Variants in SLC24A2 observed in about 807,000 individuals in gnomAD.
SLC24A2 encodes sodium/potassium/calcium exchanger 2.
In SLC24A2, 36 loss-of-function variants were observed where a neutral mutation model predicts 62.0. That is an observed-to-expected ratio of 0.58 (90% CI 0.44 to 0.77). The LOEUF (loss-of-function observed/expected upper bound fraction) is 0.77, where lower values mean the gene tolerates loss of function less well. Ranked by LOEUF, SLC24A2 falls within the 30% of genes least tolerant of loss-of-function variation. The pLI, the probability that SLC24A2 is intolerant of heterozygous loss-of-function variation, is 0.00. For missense variants in SLC24A2, 846 were observed against 817.9 expected (o/e 1.03, Z -0.42); for synonymous variants, 358 against 294.0 (o/e 1.22, Z -2.23).
chr9:20,179,830 A>G, the SLC24A2 span, among the ~76,000 whole-genome samples: 3 of 152,184 alleles, frequency 2.0e-5, no homozygotes, highest in Non-Finnish European at 4.4e-5. Flanking sequence ...TGATAAACAT[A>G]TTGCTTCTAT....
chr9:20,014,218 A>G, the SLC24A2 span, among the ~76,000 whole-genome samples: 3 of 152,120 alleles, frequency 2.0e-5, no homozygotes, highest in African/African-American at 4.8e-5. Context: ...AGCGGGGGAA[A>G]AAAAGAAAGA....
the SLC24A2 span, among the ~76,000 whole-genome samples, chr9:20,112,990 C>T: frequency 1.3e-5 from 2 of 152,104 alleles, no homozygotes; most frequent in African/African-American, 2.4e-5. Context: ...GCAAGTAATT[C>T]TGGGTTCAAC....
the SLC24A2 span, among the ~76,000 whole-genome samples, chr9:20,302,999 T>C: frequency 1.3e-5 from 2 of 152,178 alleles, no homozygotes; most frequent in Non-Finnish European, 2.9e-5. Flanking sequence ...TTAGAGTATC[T>C]GATATATTTT....
chr9:20,054,284 T>C, the SLC24A2 span, among the ~76,000 whole-genome samples: 10 of 152,064 alleles, frequency 6.6e-5, no homozygotes, highest in African/African-American at 1.9e-4. Flanking sequence ...CTCTGCCTCC[T>C]GGGTTCAAGT....
chr9:20,015,062 A>C, the SLC24A2 span, among the ~76,000 whole-genome samples: 1 of 152,202 alleles, frequency 6.6e-6, no homozygotes, highest in East Asian at 1.9e-4. Flanking sequence ...TAAACAAAAA[A>C]AGAAATAAAA....
At chr9:20,180,711 G>A in the SLC24A2 span, among the ~76,000 whole-genome samples, 1 of 152,266 alleles carries the variant, frequency 6.6e-6, no homozygotes, top group African/African-American at 2.4e-5. Context: ...CAACTAACCT[G>A]TGCTTTTCCT....
the SLC24A2 span, among the ~76,000 whole-genome samples, chr9:20,265,991 T>G: frequency 1.3e-5 from 2 of 152,302 alleles, no homozygotes; most frequent in African/African-American, 2.4e-5. Flanking sequence ...ACCTAATAAA[T>G]TTTTGGTCAG....
the SLC24A2 span, among the ~76,000 whole-genome samples, chr9:20,242,167 A>T: frequency 2.0e-5 from 3 of 152,164 alleles, no homozygotes; most frequent in African/African-American, 7.2e-5. Context: ...AGTCCCCAAC[A>T]TTAACTTGAC....
At chr9:19,783,050 A>AC (rs1823060499) in intron 2 of SLC24A2, among the ~76,000 whole-genome samples, 1 of 152,222 alleles carries the variant, frequency 6.6e-6, no homozygotes, top group Non-Finnish European at 1.5e-5. Flanking sequence ...AAATGAGATG[A>AC]GAAACTGTTG....
the SLC24A2 span, among the ~76,000 whole-genome samples, chr9:20,015,242 A>G: frequency 1.3e-5 from 2 of 152,164 alleles, no homozygotes; most frequent in East Asian, 1.9e-4. Context: ...GAAAGGAAAG[A>G]TGTACATAAA....
the SLC24A2 span, among the ~76,000 whole-genome samples, chr9:20,191,166 T>C: frequency 5.9e-5 from 9 of 152,246 alleles, no homozygotes; most frequent in Admixed American, 5.9e-4. Flanking sequence ...CGGACCTTTT[T>C]TTTTTTTTTG....
chr9:19,891,709 G>T, the SLC24A2 span, among the ~76,000 whole-genome samples: 9 of 152,078 alleles, frequency 5.9e-5, no homozygotes, highest in African/African-American at 2.2e-4. Context: ...TCACGCCACT[G>T]CACTCCATCC....
At chr9:20,171,603 C>A in the SLC24A2 span, among the ~76,000 whole-genome samples, 5 of 151,858 alleles carry the variant, frequency 3.3e-5, no homozygotes, top group African/African-American at 7.3e-5. Context: ...AAAGCAACAG[C>A]AGTTTAAAAA....
the SLC24A2 span, among the ~76,000 whole-genome samples, chr9:19,890,621 C>T: frequency 6.6e-6 from 1 of 152,144 alleles, no homozygotes. Flanking sequence ...CCTTGGTCCT[C>T]TTATCTTGAT....
the SLC24A2 span, among the ~76,000 whole-genome samples, chr9:20,208,267 A>C: frequency 4.6e-5 from 7 of 152,294 alleles, no homozygotes; most frequent in East Asian, 1.4e-3. Context: ...CTTCACAGGA[A>C]AGCAGGCATT....
intron 2 of SLC24A2, among the ~76,000 whole-genome samples, chr9:19,783,247 G>C (rs1823066759): frequency 6.6e-6 from 1 of 152,256 alleles, no homozygotes; most frequent in East Asian, 1.9e-4. Flanking sequence ...TTGATGATTT[G>C]TATAAGAATA....
chr9:20,190,784 G>T, the SLC24A2 span, among the ~76,000 whole-genome samples: 6 of 152,166 alleles, frequency 3.9e-5, no homozygotes, highest in Non-Finnish European at 8.8e-5. Context: ...CTTAGCAATT[G>T]TATGACTTCG....
the SLC24A2 span, among the ~76,000 whole-genome samples, chr9:20,115,618 T>C: frequency 2.6e-5 from 4 of 152,272 alleles, no homozygotes; most frequent in African/African-American, 7.2e-5. Flanking sequence ...TCTTAAGATA[T>C]GATCAAATTG....
At chr9:19,901,692 T>TTAGGCCCTAGTCA in the SLC24A2 span, among the ~76,000 whole-genome samples, 1 of 152,202 alleles carries the variant, frequency 6.6e-6, no homozygotes, top group Non-Finnish European at 1.5e-5. Flanking sequence ...AGGCCCTAGA[T>TTAGGCCCTAGTCA]GTCAAAGGCT....
Sources: gnomAD v4.1 joint callset for allele counts (sites outside exome capture counted in the v4.1 genomes callset) on GRCh38, gnomAD v4.1.1 for gene constraint, MANE v1.5 for transcripts, NCBI Gene and HGNC (gene_info 2026-07-23, HGNC 2026-07-21) for gene names.